Variants in CNIH3 observed in about 807,000 individuals in gnomAD.
CNIH3 encodes the protein cornichon family AMPA receptor auxiliary protein 3.
Under a neutral mutation model 24.1 loss-of-function variants are expected in CNIH3, and 14 were observed. The ratio of observed to expected loss-of-function variants is 0.58; its 90% CI spans 0.38 to 0.91. The LOEUF (loss-of-function observed/expected upper bound fraction) is 0.91. Ranked by LOEUF, CNIH3 falls within the 40% of genes least tolerant of loss-of-function variation. The pLI, the probability that CNIH3 is intolerant of heterozygous loss-of-function variation, is 0.00. For synonymous variants in CNIH3, 68 were observed against 73.8 expected (o/e 0.92, Z 0.40); for missense variants, 178 against 196.8 (o/e 0.90, Z 0.57).
intron 3 of CNIH3, among the ~76,000 whole-genome samples, chr1:224,716,782 C>T (rs61825970): frequency 0.29 from 43,952 of 151,938 alleles, 6,531 homozygotes; most frequent in East Asian, 0.35. Flanking sequence ...CTCTTGCCCT[C>T]CTCTGCTATT....
At chr1:224,488,641 A>T (rs568416566) in intron 1 of CNIH3, among the ~76,000 whole-genome samples, 1 of 152,000 alleles carries the variant, frequency 6.6e-6, no homozygotes, top group Non-Finnish European at 1.5e-5. Flanking sequence ...AATTTTTCAA[A>T]ATTTGTTGTA....
chr1:224,652,843 C>T (rs552603776), intron 1 of CNIH3, among the ~76,000 whole-genome samples: 1 of 152,264 alleles, frequency 6.6e-6, no homozygotes, highest in South Asian at 2.1e-4. Flanking sequence ...GTTGGCGCAG[C>T]ACACGTGGGC....
intron 4 of CNIH3, among the ~76,000 whole-genome samples, chr1:224,569,431 A>G (rs1484854936): frequency 6.6e-6 from 1 of 152,172 alleles, no homozygotes; most frequent in Non-Finnish European, 1.5e-5. Context: ...TCAGATGTGG[A>G]TGAATGTTTG....
intron 2 of CNIH3, among the ~76,000 whole-genome samples, chr1:224,530,583 C>G (rs1048901444): frequency 5.9e-5 from 9 of 151,948 alleles, no homozygotes; most frequent in African/African-American, 2.2e-4. Flanking sequence ...ATTTTAAACC[C>G]TACATTTCTT....
At chr1:224,680,622 G>A (rs1365345868) in intron 1 of CNIH3, among the ~76,000 whole-genome samples, 1 of 152,202 alleles carries the variant, frequency 6.6e-6, no homozygotes, top group Non-Finnish European at 1.5e-5. Flanking sequence ...AAGGAAAGGG[G>A]CTAAAAGTAG....
chr1:224,673,793 G>A lies in CNIH3; in HGVS notation c.82-7165G>A, dbSNP rs75151270. On this transcript the variant is annotated intron_variant, in intron 1 of 5. Transcript: ENST00000272133. ...CAAAAATGGTGCCAGGTACATCGTG[G>A]GTATCTAGTCAGTATTTTTTTTTTT... Among the ~76,000 whole-genome samples, 423 of 148,844 alleles carry A rather than the reference G, an allele frequency of 2.8e-3. 7 individuals carry two copies. The East Asian group carries it at 0.031, about 11-fold the overall frequency.
At chr1:224,563,628 C>T (rs1680466920) in intron 3 of CNIH3, among the ~76,000 whole-genome samples, 1 of 152,126 alleles carries the variant, frequency 6.6e-6, no homozygotes, top group African/African-American at 2.4e-5. Context: ...AGCCTAGGCT[C>T]TGTCAGCTAG....
chr1:224,499,396 T>G, intron 1 of CNIH3, among the ~76,000 whole-genome samples: 1 of 152,186 alleles, frequency 6.6e-6, no homozygotes, highest in Non-Finnish European at 1.5e-5. Context: ...TGTGGACATC[T>G]GGAGATATTT....
intron 2 of CNIH3, among the ~76,000 whole-genome samples, chr1:224,523,423 T>C (rs1218588501): frequency 6.6e-6 from 1 of 152,210 alleles, no homozygotes; most frequent in Non-Finnish European, 1.5e-5. Context: ...GATATAATTT[T>C]GAGTGAAAGA....
At chr1:224,456,646 T>A (rs914870339) in intron 1 of CNIH3, among the ~76,000 whole-genome samples, 1 of 152,112 alleles carries the variant, frequency 6.6e-6, no homozygotes, top group African/African-American at 2.4e-5. Flanking sequence ...CCTGGCCTCA[T>A]GAGATCCTCC....
chr1:224,634,055 T>A (rs1395982534), intron 1 of CNIH3, among the ~76,000 whole-genome samples: 1 of 152,216 alleles, frequency 6.6e-6, no homozygotes, highest in Non-Finnish European at 1.5e-5. Flanking sequence ...TTGCTGGACT[T>A]GTGGCCCTGA....
intron 1 of CNIH3, among the ~76,000 whole-genome samples, chr1:224,478,873 T>C (rs1989305): frequency 0.99 from 151,257 of 152,274 alleles, 75,129 homozygotes; most frequent in Middle Eastern, 1. Context: ...ATGTGGATGG[T>C]GGCAGGCAAA....
intron 3 of CNIH3, among the ~76,000 whole-genome samples, chr1:224,599,845 C>G (rs1319159245): frequency 6.6e-6 from 1 of 152,074 alleles, no homozygotes; most frequent in Non-Finnish European, 1.5e-5. Flanking sequence ...GTTTAATTTT[C>G]CAAATGTTTA....
chr1:224,475,341 G>A (rs1331324759), intron 1 of CNIH3, among the ~76,000 whole-genome samples: 3 of 145,076 alleles, frequency 2.1e-5, no homozygotes, highest in Non-Finnish European at 3.0e-5. Flanking sequence ...GGGCGACAGA[G>A]CGAGACTCCA....
intron 2 of CNIH3, among the ~76,000 whole-genome samples, chr1:224,527,300 G>A (rs1038211190): frequency 2.0e-5 from 3 of 152,104 alleles, no homozygotes; most frequent in Non-Finnish European, 2.9e-5. Flanking sequence ...GTAAATAACC[G>A]CATTTATCAC....
At chr1:224,627,275 G>A (rs1242606666) in intron 1 of CNIH3, among the ~76,000 whole-genome samples, 2 of 152,112 alleles carry the variant, frequency 1.3e-5, no homozygotes, top group Non-Finnish European at 2.9e-5. Context: ...CACCCAGGCT[G>A]GAGTGCAGTG....
intron 1 of CNIH3, among the ~76,000 whole-genome samples, chr1:224,462,301 A>G (rs1305299460): frequency 6.6e-6 from 1 of 152,226 alleles, no homozygotes; most frequent in Non-Finnish European, 1.5e-5. Flanking sequence ...TGTTGTACAG[A>G]GTAGTTTCAC....
intron 1 of CNIH3, among the ~76,000 whole-genome samples, chr1:224,629,105 C>G (rs1683691045): frequency 6.6e-6 from 1 of 151,828 alleles, no homozygotes; most frequent in South Asian, 2.1e-4. Context: ...CTCCCGGGTT[C>G]AAGCAATTCT....
chr1:224,560,767 C>G (rs12072482), intron 3 of CNIH3, among the ~76,000 whole-genome samples: 30,341 of 151,878 alleles, frequency 0.2, 3,227 homozygotes, highest in South Asian at 0.36. Flanking sequence ...ATTACTTCAT[C>G]ATATATTACA....
Sources: gnomAD v4.1 joint callset for allele counts (sites outside exome capture counted in the v4.1 genomes callset) on GRCh38, gnomAD v4.1.1 for gene constraint, MANE v1.5 for transcripts, NCBI Gene and HGNC (gene_info 2026-07-23, HGNC 2026-07-21) for gene names.